EYS: variants seen among roughly 807,000 people sequenced by gnomAD.
The protein encoded by EYS is EGF-like photoreceptor maintenance factor.
A neutral mutation model predicts 282.1 loss-of-function variants in EYS; 250 were observed. That is an observed-to-expected ratio of 0.89 (90% CI 0.80 to 0.98). EYS has a LOEUF of 0.98. Ranked by LOEUF, EYS falls within the 50% of genes least tolerant of loss-of-function variation. The pLI is 0.00. For synonymous variants in EYS, 1,355 were observed against 1,282.9 expected (o/e 1.06, Z -1.20); for missense variants, 4,016 against 3,709.0 (o/e 1.08, Z -2.15).
chr6:63,799,405 A>T (rs962806601), intron 37 of EYS, among the ~76,000 whole-genome samples: 1 of 152,070 alleles, frequency 6.6e-6, no homozygotes, highest in Admixed American at 6.6e-5. Flanking sequence ...ACAGTGCTAC[A>T]TGTTTCCCCT....
At chr6:64,519,482 G>A (rs78976999) in intron 26 of EYS, among the ~76,000 whole-genome samples, 7,415 of 151,942 alleles carry the variant, frequency 0.049, 281 homozygotes, top group Non-Finnish European at 0.078. Flanking sequence ...AAAGAGGAAA[G>A]AAATCCTAGT....
intron 22 of EYS, among the ~76,000 whole-genome samples, chr6:64,669,657 G>T (rs966423464): frequency 2.0e-5 from 3 of 152,138 alleles, no homozygotes; most frequent in Non-Finnish European, 4.4e-5. Context: ...AGCCTTGGTT[G>T]CTTGGGCCTC....
chr6:64,175,752 G>A (rs185222515), intron 31 of EYS, among the ~76,000 whole-genome samples: 2 of 152,104 alleles, frequency 1.3e-5, no homozygotes, highest in East Asian at 1.9e-4. Flanking sequence ...ACGCAATCTC[G>A]GTCACCCCAA....
At chr6:64,690,870 C>T (rs910961360) in intron 22 of EYS, among the ~76,000 whole-genome samples, 7 of 151,906 alleles carry the variant, frequency 4.6e-5, no homozygotes. Flanking sequence ...AGGAGATATA[C>T]CTAATGTAAA....
intron 26 of EYS, among the ~76,000 whole-genome samples, chr6:64,573,833 G>A (rs953431951): frequency 2.0e-5 from 3 of 152,138 alleles, no homozygotes; most frequent in African/African-American, 4.8e-5. Context: ...TGGTGGGCGT[G>A]TAAATTAGTT....
chr6:64,333,308 G>T (rs940429989), intron 29 of EYS, among the ~76,000 whole-genome samples: 1 of 152,172 alleles, frequency 6.6e-6, no homozygotes, highest in Admixed American at 6.5e-5. Flanking sequence ...CTCAAATAAA[G>T]GGCCTATCTC....
intron 29 of EYS, among the ~76,000 whole-genome samples, chr6:64,322,069 G>T (rs1770235800): frequency 6.6e-6 from 1 of 151,822 alleles, no homozygotes; most frequent in Non-Finnish European, 1.5e-5. Flanking sequence ...ATTTATACAT[G>T]GATTTAACAA....
At chr6:63,969,359 T>A (rs986288436) in intron 35 of EYS, among the ~76,000 whole-genome samples, 2 of 152,214 alleles carry the variant, frequency 1.3e-5, no homozygotes, top group African/African-American at 4.8e-5. Flanking sequence ...TTTAAAGTAT[T>A]CCTAACCCGG....
chr6:63,753,595 T>G (rs570179310), intron 41 of EYS, among the ~76,000 whole-genome samples: 1 of 152,198 alleles, frequency 6.6e-6, no homozygotes, highest in East Asian at 1.9e-4. Flanking sequence ...CCATCAGATC[T>G]CATGAGAACT....
rs1491523191 is a variant in EYS at position 63,908,031 on chromosome 6, T to TATATAC, written c.7056-43674_7056-43673insGTATAT. ...ACAAACGTATATATATATATATATATACGTTTGTGTGTGTGTGTGTGTGTG... is the reference window on the plus strand; with the variant it reads ...ACAAACGTATATATATATATATATATATATACACGTTTGTGTGTGTGTGTGTGTGTG... On this transcript the variant is annotated intron_variant, in intron 35 of 42. Coordinates refer to ENST00000503581, the MANE Select transcript of EYS (RefSeq NM_001142800.2). Among the ~76,000 whole-genome samples, 452 of 50,198 alleles carry TATATAC rather than the reference T, an allele frequency of 9.0e-3. 9 individuals are homozygous for TATATAC. Among genetic ancestry groups the TATATAC allele is most frequent in the African/African-American group, 0.038 (412 of 10,772 alleles). The allele number at this position is 50,198 out of a possible 152,430, so 32.9% of individuals were successfully genotyped here.
chr6:65,140,031 G>A (rs1336940143), intron 12 of EYS, among the ~76,000 whole-genome samples: 1 of 151,864 alleles, frequency 6.6e-6, no homozygotes, highest in Non-Finnish European at 1.5e-5. Context: ...ATATCACCAC[G>A]AAGGCAATTA....
intron 35 of EYS, among the ~76,000 whole-genome samples, chr6:63,875,060 G>T (rs914549438): frequency 6.6e-6 from 1 of 152,162 alleles, no homozygotes. Context: ...AGTTTTCAAA[G>T]GGAATGCTTC....
chr6:64,461,293 T>C (rs150452854), intron 26 of EYS, among the ~76,000 whole-genome samples: 2,385 of 152,362 alleles, frequency 0.016, 22 homozygotes, highest in South Asian at 0.035. Context: ...CTCAATTATT[T>C]GCATTATATG....
At chr6:65,371,233 G>A (rs1765129988) in intron 8 of EYS, among the ~76,000 whole-genome samples, 1 of 151,626 alleles carries the variant, frequency 6.6e-6, no homozygotes, top group African/African-American at 2.4e-5. Context: ...TTTGTGTTAG[G>A]TATTACAAGT....
At chr6:64,054,817 T>TA (rs1770927923) in intron 33 of EYS, among the ~76,000 whole-genome samples, 1 of 152,146 alleles carries the variant, frequency 6.6e-6, no homozygotes, top group Non-Finnish European at 1.5e-5. Context: ...AGATAGTGTA[T>TA]AAAAATATTT....
At chr6:65,332,167 C>T in intron 11 of EYS, 11 of 479,720 alleles carry the variant, frequency 2.3e-5, no homozygotes, top group South Asian at 3.7e-5. Flanking sequence ...TGGAAGTTCC[C>T]TTTTATTCTT....
chr6:64,433,416 G>A (rs1300318001), intron 28 of EYS, among the ~76,000 whole-genome samples: 3 of 151,748 alleles, frequency 2.0e-5, no homozygotes, highest in Non-Finnish European at 4.4e-5. Context: ...TTTTCCCCAG[G>A]ACTATATTTT....
chr6:63,986,594 C>G lies in EYS; in HGVS notation c.6835-1991G>C, dbSNP rs143071164. Among the ~76,000 whole-genome samples, 827 of 151,790 alleles carry G rather than the reference C, an allele frequency of 5.4e-3. 3 individuals are homozygous for G. Among genetic ancestry groups the G allele is most frequent in the African/African-American group, 0.019 (791 of 41,458 alleles). On this transcript the variant is annotated intron_variant, in intron 34 of 42. Transcript: ENST00000503581. ...ACACCATGGATGGAATAATATGCAG[C>G]CATAAAAAAGAATGAGATCATGGCT...
chr6:64,395,793 A>G lies in EYS; in HGVS notation c.5928-6953T>C, dbSNP rs532394149. Reference sequence around the variant, plus strand: ...AAACTTAAAGTATAATTAAAAAAAAAGAAAAAAAAACAAAAAAACAAAATA... The same window carrying G: ...AAACTTAAAGTATAATTAAAAAAAAGGAAAAAAAAACAAAAAAACAAAATA... On this transcript the variant is annotated intron_variant, in intron 28 of 42. Transcript: ENST00000503581. Among the ~76,000 whole-genome samples, 11 of 151,958 alleles carry G rather than the reference A, an allele frequency of 7.2e-5. No homozygotes were observed. The South Asian group carries it at 2.3e-3, about 32-fold the overall frequency.
Sources: allele counts gnomAD v4.1 joint callset (sites outside exome capture counted in the v4.1 genomes callset), GRCh38; gene constraint gnomAD v4.1.1; transcripts MANE v1.5; gene names NCBI Gene and HGNC (gene_info 2026-07-23, HGNC 2026-07-21).